Variants in TBX15 observed in about 807,000 individuals in gnomAD.
The protein encoded by TBX15 is T-box transcription factor TBX15.
Under a neutral mutation model 53.9 loss-of-function variants are expected in TBX15, and 18 were observed. The observed-to-expected ratio is 0.33, with a 90% CI of 0.23 to 0.49. The LOEUF (loss-of-function observed/expected upper bound fraction) is 0.49. TBX15 is among the 20% of genes least tolerant of loss of function. The pLI, the probability that TBX15 is intolerant of heterozygous loss-of-function variation, is 0.98. For missense variants in TBX15, 692 were observed against 749.5 expected (o/e 0.92, Z 0.90); for synonymous variants, 295 against 278.0 (o/e 1.06, Z -0.61).
chr1:118,929,205 T>C (rs570299874), intron 2 of TBX15, among the ~76,000 whole-genome samples: 3 of 152,218 alleles, frequency 2.0e-5, no homozygotes, highest in Non-Finnish European at 4.4e-5. Flanking sequence ...GAGGGCTCTA[T>C]AGACTTCAGC....
At chr1:118,934,356 A>G (rs1027028351) in intron 1 of TBX15, among the ~76,000 whole-genome samples, 28 of 152,310 alleles carry the variant, frequency 1.8e-4, no homozygotes, top group African/African-American at 5.8e-4. Flanking sequence ...CCGGGGGCTC[A>G]GATTCACATT....
intron 1 of TBX15, among the ~76,000 whole-genome samples, chr1:118,959,591 A>G (rs1246675233): frequency 6.6e-6 from 1 of 152,154 alleles, no homozygotes. Context: ...TGTTTTCCCT[A>G]AAACCACCTG....
chr1:118,885,103 C>T lies in TBX15; in HGVS notation c.1438G>A (p.Val480Ile). Residue 480 changes from valine (V) to isoleucine (I), a missense_variant, in exon 8 of 8, where the codon GTC becomes ATC. This residue lies in a region of TBX15 where 375 missense variants were observed against 371.6 expected (regional missense o/e 1.01). Transcript: ENST00000369429. ...GSFPTSQFQY[V>I]MQAGNAASSS... ...GAGGCAGCATTGCCTGCCTGCATGACATACTGAAACTGGGAAGTGGGAAAG... is the reference window on the plus strand; with the variant it reads ...GAGGCAGCATTGCCTGCCTGCATGATATACTGAAACTGGGAAGTGGGAAAG... 6.2e-7 allele frequency: 1 copy of T among 1,614,188 alleles called. No homozygotes were observed. Among genetic ancestry groups the T allele is most frequent in the Non-Finnish European group, 8.5e-7 (1 of 1,180,040 alleles).
In TBX15 at chr1:118,939,407, C is replaced by CAAAAAAAAAAAAAAAAAAAAAAAAAAAA. The variant is rs869094141; in HGVS notation, c.206-7603_206-7576dup. On this transcript the variant is annotated intron_variant, in intron 1 of 7. Transcript: ENST00000369429. ...AGGGCAACAGAATGAGATCTAGTCT[C>CAAAAAAAAAAAAAAAAAAAAAAAAAAAA]AAAAAAAAAAAAAAAAAAAAAAAAA... is the stretch of plus-strand genomic sequence containing the variant. Among the ~76,000 whole-genome samples the CAAAAAAAAAAAAAAAAAAAAAAAAAAAA allele has an allele frequency of 5.6e-4, 5 of 8,882 alleles. 1 individual carries two copies. Among genetic ancestry groups the CAAAAAAAAAAAAAAAAAAAAAAAAAAAA allele is most frequent in the Non-Finnish European group, 1.0e-3 (5 of 4,836 alleles). The allele number at this position is 8,882 out of a possible 152,430, so 5.8% of individuals were successfully genotyped here. A position where few individuals can be genotyped will look rare whatever the true frequency, so the allele number is the denominator to read the frequency against.
At chr1:118,933,410 C>T (rs573061991) in intron 1 of TBX15, among the ~76,000 whole-genome samples, 19 of 152,130 alleles carry the variant, frequency 1.2e-4, no homozygotes, top group Admixed American at 9.2e-4. Flanking sequence ...ATAATCACTA[C>T]ATGAAGATGT....
intron 1 of TBX15, among the ~76,000 whole-genome samples, chr1:118,941,872 C>G (rs573208658): frequency 6.6e-6 from 1 of 152,142 alleles, no homozygotes; most frequent in African/African-American, 2.4e-5. Flanking sequence ...AACCATCTAA[C>G]CTTAAGCAAG....
chr1:118,967,655 A>G (rs1657071663), intron 1 of TBX15, among the ~76,000 whole-genome samples: 1 of 152,220 alleles, frequency 6.6e-6, no homozygotes, highest in East Asian at 1.9e-4. Context: ...CAAATGTTTC[A>G]CTTTTAAACT....
chr1:118,943,165 T>C lies in TBX15; in HGVS notation c.206-11333A>G, dbSNP rs139078748. Among the ~76,000 whole-genome samples the C allele has an allele frequency of 2.3e-3, 344 of 152,344 alleles. 1 individual carries two copies. The highest frequency in any genetic ancestry group is 7.6e-3 in the African/African-American group (318 of 41,570). On this transcript the variant is annotated intron_variant, in intron 1 of 7. Coordinates refer to ENST00000369429, the MANE Select transcript of TBX15 (RefSeq NM_001330677.2). ...ATATACTTAATATAAATTGTTTCCA[T>C]CATTTGGAACAGAAAATGACCATAT...
At chr1:118,968,498 C>T (rs1002662362) in intron 1 of TBX15, among the ~76,000 whole-genome samples, 17 of 152,198 alleles carry the variant, frequency 1.1e-4, no homozygotes, top group South Asian at 4.1e-4. Flanking sequence ...TGAACCACTA[C>T]GCCCAGCCTA....
intron 2 of TBX15, among the ~76,000 whole-genome samples, chr1:118,930,695 C>T (rs543367595): frequency 5.8e-4 from 89 of 152,360 alleles, no homozygotes; most frequent in South Asian, 3.7e-3. Flanking sequence ...GGATCACAGG[C>T]GTGAGCCACC....
rs1361098321 is a variant in TBX15 at position 118,988,297 on chromosome 1, G to C, written c.-502C>G. On this transcript the variant is annotated 5_prime_UTR_variant, in exon 1 of 8. Transcript: ENST00000369429. ...AATTCCTCCCTTCCCGAGGAACAGG[G>C]GGCAGGCGGTGCGCTCCTGTCCGAG... 6.4e-6 allele frequency: 1 copy of C among 155,828 alleles called. No homozygotes were observed. The highest frequency in any genetic ancestry group is 1.4e-5 in the Non-Finnish European group (1 of 70,832). The allele number at this position is 155,828 out of a possible 1,614,324, so 9.7% of individuals were successfully genotyped here. A position where few individuals can be genotyped will look rare whatever the true frequency, so the allele number is the denominator to read the frequency against.
intron 1 of TBX15, among the ~76,000 whole-genome samples, chr1:118,944,270 T>A (rs1218233645): frequency 6.6e-6 from 1 of 152,174 alleles, no homozygotes; most frequent in South Asian, 2.1e-4. Flanking sequence ...GGATTTTTTA[T>A]GATGGCCAAG....
At chr1:118,905,973 A>G (rs1336515014) in intron 6 of TBX15, among the ~76,000 whole-genome samples, 1 of 152,160 alleles carries the variant, frequency 6.6e-6, no homozygotes, top group Non-Finnish European at 1.5e-5. Context: ...TTCTCTGTAC[A>G]CTGTCATTAG....
At chr1:118,894,607 G>A (rs1355116268) in intron 7 of TBX15, among the ~76,000 whole-genome samples, 1 of 151,710 alleles carries the variant, frequency 6.6e-6, no homozygotes, top group Non-Finnish European at 1.5e-5. Context: ...GAGTGGCATG[G>A]TAACAAGGAA....
chr1:118,966,865 T>C (rs1038792399), intron 1 of TBX15, among the ~76,000 whole-genome samples: 1 of 152,222 alleles, frequency 6.6e-6, no homozygotes, highest in Non-Finnish European at 1.5e-5. Context: ...ATATAAAATA[T>C]TAGCAGTATT....
At chr1:118,968,960 TG>T (rs1221683259) in intron 1 of TBX15, among the ~76,000 whole-genome samples, 1 of 152,190 alleles carries the variant, frequency 6.6e-6, no homozygotes, top group Non-Finnish European at 1.5e-5. Flanking sequence ...AAGTAGGTTT[TG>T]GGGTTTTCCT....
chr1:118,964,608 A>G (rs1209502040), intron 1 of TBX15, among the ~76,000 whole-genome samples: 1 of 152,226 alleles, frequency 6.6e-6, no homozygotes, highest in African/African-American at 2.4e-5. Flanking sequence ...GGCAGGGACT[A>G]TTCCTTACTC....
chr1:118,942,858 C>G (rs367737486), intron 1 of TBX15, among the ~76,000 whole-genome samples: 9 of 152,136 alleles, frequency 5.9e-5, no homozygotes, highest in African/African-American at 2.2e-4. Flanking sequence ...GCTAGTAATG[C>G]TAAGGGAGAG....
intron 1 of TBX15, among the ~76,000 whole-genome samples, chr1:118,941,205 T>C (rs772267242): frequency 2.6e-5 from 4 of 152,210 alleles, no homozygotes; most frequent in Admixed American, 6.5e-5. Context: ...GGTCTTTTAA[T>C]TTCTATGATG....
Sources: gnomAD v4.1 joint callset for allele counts (sites outside exome capture counted in the v4.1 genomes callset) on GRCh38, gnomAD v4.1.1 for gene constraint, gnomAD v4.1.1 regional missense constraint, MANE v1.5 for transcripts, NCBI Gene and HGNC (gene_info 2026-07-23, HGNC 2026-07-21) for gene names.